Variants in PKD2 observed in about 807,000 individuals in gnomAD.
PKD2 encodes polycystin 2, transient receptor potential cation channel, also known as polycystin-2.
A neutral mutation model predicts 105.9 loss-of-function variants in PKD2; 48 were observed. The observed-to-expected ratio is 0.45, with a 90% CI of 0.36 to 0.58. The LOEUF (loss-of-function observed/expected upper bound fraction) is 0.58, where lower values mean the gene tolerates loss of function less well. PKD2 is among the 20% of genes least tolerant of loss of function. The pLI is 0.00. For missense variants in PKD2, 1,078 were observed against 1,255.3 expected, an observed-to-expected ratio of 0.86 and a Z score of 2.13; for synonymous variants, 464 against 481.1, an observed-to-expected ratio of 0.96 and a Z score of 0.46.
intron 4 of PKD2, among the ~76,000 whole-genome samples, chr4:88,039,713 A>G (rs564997985): frequency 2.0e-5 from 3 of 152,190 alleles, no homozygotes; most frequent in Non-Finnish European, 4.4e-5. Flanking sequence ...TTTAGAACAA[A>G]GGAACTAAAT....
chr4:88,031,068 T>C (rs1727130798), intron 2 of PKD2, among the ~76,000 whole-genome samples: 1 of 152,194 alleles, frequency 6.6e-6, no homozygotes, highest in East Asian at 1.9e-4. Context: ...CAATTTTGAA[T>C]TTTGGTCTTT....
intron 1 of PKD2, among the ~76,000 whole-genome samples, chr4:88,016,314 G>A (rs142564144): frequency 2.6e-5 from 4 of 152,298 alleles, no homozygotes; most frequent in Admixed American, 6.5e-5. Flanking sequence ...CTCTCAGTCC[G>A]TGTTCTCCCT....
At chr4:88,044,834 A>T (rs2110113823) in intron 5 of PKD2, among the ~76,000 whole-genome samples, 1 of 152,240 alleles carries the variant, frequency 6.6e-6, no homozygotes, top group East Asian at 1.9e-4. Flanking sequence ...GAAGCATTTT[A>T]TATTTCAGAT....
chr4:88,008,114 C>T lies in PKD2; in HGVS notation c.381C>T (p.Ala127=). The T allele has an allele frequency of 6.6e-7, 1 of 1,511,090 alleles. No individual in the cohort carries two copies. Among genetic ancestry groups the T allele is most frequent in the Non-Finnish European group, 8.8e-7 (1 of 1,134,814 alleles). The allele number at this position is 1,511,090 out of a possible 1,614,324, so 93.6% of individuals were successfully genotyped here. ...EWRPGSRRSA[A]SSAVSSVGAR... ...GCCCGGGCAGCCGGAGGTCGGCCGC[C>T]TCCTCGGCCGTGAGCTCCGTGGGCG... The change falls in exon 1 of 15, where the codon GCC becomes GCT. Residue 127 remains alanine (A), a synonymous_variant. Transcript: ENST00000237596.
chr4:88,046,705 G>C lies in PKD2; in HGVS notation c.1383G>C (p.Lys461Asn). ...VIPSWQFQPL[K>N]LIRYVTTFDF... ...CATCTTGGCAATTTCAGCCTTTAAA[G>C]CTGATCCGATATGTCACAACTTTTG... Residue 461 changes from lysine to asparagine, a missense_variant, in exon 6 of 15, where the codon AAG (lysine) becomes AAC (asparagine). Lys to Asn is a moderately conservative substitution (Grantham distance 94, BLOSUM62 0). This residue lies in a region of PKD2 where 868 missense variants were observed against 1,067.3 expected (regional missense o/e 0.81). Coordinates refer to ENST00000237596, the MANE Select transcript of PKD2 (RefSeq NM_000297.4). 1.2e-6 allele frequency: 2 copies of C among 1,613,990 alleles called. No homozygotes were observed. The highest frequency in any genetic ancestry group is 1.7e-6 in the Non-Finnish European group (2 of 1,179,880).
intron 9 of PKD2, among the ~76,000 whole-genome samples, chr4:88,060,061 C>T (rs1237122533): frequency 6.6e-6 from 1 of 152,158 alleles, no homozygotes; most frequent in East Asian, 1.9e-4. Context: ...GAGCTAGCTT[C>T]CTCTTCCCAC....
intron 4 of PKD2, among the ~76,000 whole-genome samples, chr4:88,039,061 G>A (rs963824462): frequency 6.6e-6 from 1 of 152,150 alleles, no homozygotes; most frequent in Non-Finnish European, 1.5e-5. Context: ...AACATCTTGT[G>A]TATTAAGGGA....
chr4:88,024,642 T>C (rs1045091750), intron 2 of PKD2, among the ~76,000 whole-genome samples: 1 of 152,032 alleles, frequency 6.6e-6, no homozygotes, highest in Admixed American at 6.6e-5. Flanking sequence ...AACACATTAA[T>C]AGAAATCACA....
Position 88,015,534 on chromosome 4 carries a change from T to C in PKD2, c.596-3924T>C, listed in dbSNP as rs573211916. On this transcript the variant is annotated intron_variant, in intron 1 of 14. Transcript: ENST00000237596. ...TTCAAGCGATTCTCCTGCCTCAGCCTCCCGAGTAGCTGGGACTACAGCCTC... is the reference window on the plus strand; with the variant it reads ...TTCAAGCGATTCTCCTGCCTCAGCCCCCCGAGTAGCTGGGACTACAGCCTC... 1.8e-4 allele frequency among the ~76,000 whole-genome samples: 27 copies of C among 152,224 alleles called. No individual in the cohort carries two copies. In the East Asian group the frequency reaches 5.2e-3, roughly 30 times the overall value.
chr4:88,024,957 A>G (rs1412573701), intron 2 of PKD2, among the ~76,000 whole-genome samples: 2 of 151,988 alleles, frequency 1.3e-5, no homozygotes, highest in African/African-American at 4.8e-5. Flanking sequence ...AGATGGTGAA[A>G]CCCCATCTCT....
At chr4:88,027,576 G>T (rs965419085) in intron 2 of PKD2, among the ~76,000 whole-genome samples, 1 of 152,218 alleles carries the variant, frequency 6.6e-6, no homozygotes, top group Admixed American at 6.5e-5. Flanking sequence ...AACGAATTAA[G>T]ACATTGGGGT....
Position 88,046,887 on chromosome 4 carries a change from C to T in PKD2, c.1548+17C>T, listed in dbSNP as rs369470196. 4.3e-6 allele frequency: 6 copies of T among 1,386,550 alleles called. No individual in the cohort carries two copies. The highest frequency in any genetic ancestry group is 1.7e-5 in the Admixed American group (1 of 59,728). The allele number at this position is 1,386,550 out of a possible 1,614,324, so 85.9% of individuals were successfully genotyped here. ...ATCGTTGTGGTAGGTTTGAGAACAA[C>T]ACCAAATTTCCTATTCTATTCTACA... On this transcript the variant is annotated intron_variant, in intron 6 of 14. Coordinates refer to ENST00000237596, the MANE Select transcript of PKD2 (RefSeq NM_000297.4).
intron 5 of PKD2, among the ~76,000 whole-genome samples, chr4:88,045,996 T>C (rs2110115074): frequency 6.6e-6 from 1 of 152,236 alleles, no homozygotes; most frequent in South Asian, 2.1e-4. Context: ...TTGAATTTAA[T>C]AGAAGTCCTA....
rs1199490302 is a variant in PKD2, at chr4:88,071,975, C to CTTTT, written c.2523-2815_2523-2812dup. 2.0e-3 allele frequency among the ~76,000 whole-genome samples: 177 copies of CTTTT among 87,110 alleles called. 1 individual carries two copies. Among genetic ancestry groups the CTTTT allele is most frequent in the Non-Finnish European group, 2.4e-3 (115 of 47,622 alleles). 57.1% of individuals were successfully genotyped at this position (87,110 alleles called of 152,430 possible). A position where few individuals can be genotyped will look rare whatever the true frequency, so the allele number is the denominator to read the frequency against. On this transcript the variant is annotated intron_variant, in intron 13 of 14. Transcript: ENST00000237596. ...TGCAGGGCTAGTTTTAGAGGCCAGT[C>CTTTT]TTTTTTTTTTTTTTTTTTTTTTTTT...
rs761111484 is a variant in PKD2 at position 88,046,659 on chromosome 4, C to T, written c.1337C>T (p.Pro446Leu). The T allele has an allele frequency of 1.9e-6, 3 of 1,607,730 alleles. No individual in the cohort carries two copies. The highest frequency in any genetic ancestry group is 2.2e-5 in the East Asian group (1 of 44,848). ...FCVVRLLVEF[P>L]ATGGVIPSWQ... ...ACATGCAGGTTATTGGTTGAATTCC[C>T]AGCAACAGGTGGTGTGATTCCATCT... Residue 446 changes from proline to leucine, a missense_variant, in exon 6 of 15, where the codon CCA becomes CTA. Transcript: ENST00000237596.
chr4:88,031,473 C>A (rs1376515846), intron 2 of PKD2, among the ~76,000 whole-genome samples: 3 of 152,112 alleles, frequency 2.0e-5, no homozygotes, highest in Non-Finnish European at 2.9e-5. Context: ...TTTTCCTGTG[C>A]AAAGTGATGG....
At chr4:88,009,338 A>G (rs1340375865) in intron 1 of PKD2, among the ~76,000 whole-genome samples, 1 of 152,148 alleles carries the variant, frequency 6.6e-6, no homozygotes, top group Admixed American at 6.5e-5. Context: ...TCCTTCTGTC[A>G]GTTTTGAAAG....
At position 88,026,580 on chromosome 4, in the gene PKD2, A is replaced by G. The variant is rs189791028; in HGVS notation, c.709+7009A>G. Among the ~76,000 whole-genome samples the G allele has an allele frequency of 5.0e-3, 757 of 152,306 alleles. 9 individuals are homozygous for G. Among genetic ancestry groups the G allele is most frequent in the African/African-American group, 0.017 (718 of 41,562 alleles). On this transcript the variant is annotated intron_variant, in intron 2 of 14. Coordinates refer to ENST00000237596, the MANE Select transcript of PKD2 (RefSeq NM_000297.4). ...ACCATGTGGTAGAAAAGAAAAACCC[A>G]TTTTCTGGGGAGAAATTCAAGCTGG...
intron 5 of PKD2, among the ~76,000 whole-genome samples, 157 bp downstream of exon 5, chr4:88,043,614 C>T (rs1056856379): frequency 1.5e-4 from 23 of 152,036 alleles, no homozygotes; most frequent in African/African-American, 5.1e-4. Context: ...GAAGGCTTAC[C>T]GAAATAAAGG....
Sources: allele counts gnomAD v4.1 joint callset (sites outside exome capture counted in the v4.1 genomes callset), GRCh38; gene constraint gnomAD v4.1.1; regional missense constraint gnomAD v4.1.1; transcripts MANE v1.5; gene names NCBI Gene and HGNC (gene_info 2026-07-23, HGNC 2026-07-21).